Variants in CHL1 observed in about 807,000 individuals in gnomAD.
CHL1 encodes the protein cell adhesion molecule L1 like.
Under a neutral mutation model 141.9 loss-of-function variants are expected in CHL1, and 96 were observed. The ratio of observed to expected loss-of-function variants is 0.68; its 90% CI spans 0.57 to 0.80. The LOEUF (loss-of-function observed/expected upper bound fraction) is 0.80. Ranked by LOEUF, CHL1 falls within the 30% of genes least tolerant of loss-of-function variation. CHL1 has a pLI of 0.00. For missense variants in CHL1, 1,820 were observed against 1,457.2 expected, an observed-to-expected ratio of 1.25 and a Z score of -4.05; for synonymous variants, 613 against 502.2, an observed-to-expected ratio of 1.22 and a Z score of -2.95.
At chr3:391,280 C>A in intron 22 of CHL1, 121 bp downstream of exon 22, 1 of 762,938 alleles carries the variant, frequency 1.3e-6, no homozygotes, top group Non-Finnish European at 2.2e-6. Context: ...CTTTGGGAGG[C>A]CAAGGCAGAT....
intron 3 of CHL1, among the ~76,000 whole-genome samples, chr3:323,122 T>C (rs1700728378): frequency 1.3e-5 from 2 of 152,002 alleles, no homozygotes; most frequent in Non-Finnish European, 2.9e-5. Context: ...TTTAAAGTTA[T>C]GACTGACAAA....
intron 24 of CHL1, among the ~76,000 whole-genome samples, chr3:398,000 C>A (rs2106412362): frequency 6.6e-6 from 1 of 152,080 alleles, no homozygotes; most frequent in Middle Eastern, 3.4e-3. Flanking sequence ...TTTACAGTAC[C>A]ATTTCATCTT....
intron 5 of CHL1, among the ~76,000 whole-genome samples, chr3:338,280 A>G (rs1702090252): frequency 6.6e-6 from 1 of 152,214 alleles, no homozygotes; most frequent in African/African-American, 2.4e-5. Flanking sequence ...CCCATGTGAA[A>G]TATATTGGCA....
chr3:391,011 G>A lies in CHL1; in HGVS notation c.2643G>A (p.Val881=), dbSNP rs1474934810. 1.2e-6 allele frequency: 2 copies of A among 1,614,002 alleles called. No homozygotes were observed. The highest frequency in any genetic ancestry group is 2.7e-5 in the African/African-American group (2 of 74,926). ...LLDGRTHPKE[V]NILRFSGQRN... is the part of the protein sequence containing the mutation. ...ATGGAAGAACACATCCCAAAGAAGTGAACATTCTAAGATTTTCAGGACAAA... is the reference window on the plus strand; with the variant it reads ...ATGGAAGAACACATCCCAAAGAAGTAAACATTCTAAGATTTTCAGGACAAA... Residue 881 remains valine, a synonymous_variant, in exon 22 of 28, where the codon GTG becomes GTA. Transcript: ENST00000256509.
In CHL1 at chr3:306,774, C is replaced by A. The variant is rs138149031; in HGVS notation, c.-94-12909C>A. The stretch of plus-strand genomic sequence containing the variant: ...AAGGTGAGATATCCCAAACCATGAA[C>A]TATTTATCTTAATCATGCAGCCTTT... On this transcript the variant is annotated intron_variant, in intron 2 of 27. Transcript: ENST00000256509. 5.9e-5 allele frequency among the ~76,000 whole-genome samples: 9 copies of A among 152,242 alleles called. No individual in the cohort carries two copies. The East Asian group carries it at 1.7e-3, about 29-fold the overall frequency.
At chr3:393,397 A>T (rs1161552681) in intron 23 of CHL1, among the ~76,000 whole-genome samples, 1 of 152,068 alleles carries the variant, frequency 6.6e-6, no homozygotes, top group Admixed American at 6.6e-5. Context: ...GTAAAGATAT[A>T]ACTTCTCCTT....
chr3:352,128 T>C (rs1042319024), intron 10 of CHL1, among the ~76,000 whole-genome samples: 1 of 152,164 alleles, frequency 6.6e-6, no homozygotes, highest in African/African-American at 2.4e-5. Flanking sequence ...AAAATGTTTT[T>C]GCATTTTCAA....
In CHL1 at chr3:283,944, A is replaced by G. The variant is rs192580900; in HGVS notation, c.-94-35739A>G. Among the ~76,000 whole-genome samples the G allele has an allele frequency of 2.6e-5, 4 of 152,356 alleles. No homozygotes were observed. In the East Asian group the frequency reaches 7.7e-4, roughly 29 times the overall value. On this transcript the variant is annotated intron_variant, in intron 2 of 27. Transcript: ENST00000256509. ...AATGACTAATAGTAGGGAATTTATCAGATGAATGAATGCATTTACATATGT... is the reference window on the plus strand; with the variant it reads ...AATGACTAATAGTAGGGAATTTATCGGATGAATGAATGCATTTACATATGT...
intron 15 of CHL1, among the ~76,000 whole-genome samples, chr3:367,504 G>T (rs1207648446): frequency 2.6e-5 from 4 of 151,958 alleles, no homozygotes; most frequent in East Asian, 1.9e-4. Context: ...GTATTAAAAA[G>T]GTACTTTCAT....
chr3:239,034 G>A (rs1284426012), intron 1 of CHL1, among the ~76,000 whole-genome samples: 1 of 152,074 alleles, frequency 6.6e-6, no homozygotes, highest in Admixed American at 6.6e-5. Flanking sequence ...AGCTGTCAAG[G>A]TTCATATGCT....
At chr3:244,307 T>C (rs1490337671) in intron 1 of CHL1, among the ~76,000 whole-genome samples, 1 of 152,214 alleles carries the variant, frequency 6.6e-6, no homozygotes, top group Admixed American at 6.5e-5. Flanking sequence ...TTGTGGTCTG[T>C]TGCAAAATAC....
chr3:272,427 G>A (rs546301038), intron 2 of CHL1, among the ~76,000 whole-genome samples: 30 of 152,232 alleles, frequency 2.0e-4, no homozygotes, highest in African/African-American at 7.2e-4. Flanking sequence ...TCTACTTTCA[G>A]AAATATTTCA....
rs752194700 is a variant in CHL1 at position 349,536 on chromosome 3, A to G, written c.1026A>G (p.Ile342Met). Residue 342 changes from isoleucine (I) to methionine (M), a missense_variant, in exon 10 of 28, where the codon ATA becomes ATG. Transcript: ENST00000256509. ...LGTATHDFHVIVEEPPRWTKK... is the reference protein window; with the variant it reads ...LGTATHDFHVMVEEPPRWTKK... ...CAGCCACTCACGATTTTCACGTTAT[A>G]GTAGAAGGTACCTTTCCCATGTTGG... is the stretch of plus-strand genomic sequence containing the variant. 2 of 1,612,654 alleles carry G rather than the reference A, an allele frequency of 1.2e-6. No individual in the cohort carries two copies. The highest frequency in any genetic ancestry group is 2.2e-5 in the East Asian group (1 of 44,874).
At chr3:274,040 T>C (rs1408833185) in intron 2 of CHL1, among the ~76,000 whole-genome samples, 2 of 152,188 alleles carry the variant, frequency 1.3e-5, no homozygotes, top group East Asian at 3.9e-4. Flanking sequence ...ACCAAATCCC[T>C]TCTCACTTCA....
At chr3:334,580 G>T (rs1701711630) in intron 5 of CHL1, among the ~76,000 whole-genome samples, 1 of 152,056 alleles carries the variant, frequency 6.6e-6, no homozygotes, top group Non-Finnish European at 1.5e-5. Context: ...TGTTTTGGAG[G>T]TTCATCCATG....
At chr3:224,992 C>T (rs1255511894) in intron 1 of CHL1, among the ~76,000 whole-genome samples, 8 of 152,048 alleles carry the variant, frequency 5.3e-5, no homozygotes, top group Admixed American at 5.2e-4. Context: ...AAAAATTAGC[C>T]AGGTGTGGTG....
At chr3:330,554 T>G (rs1559264494) in intron 5 of CHL1, among the ~76,000 whole-genome samples, 1 of 152,130 alleles carries the variant, frequency 6.6e-6, no homozygotes, top group Non-Finnish European at 1.5e-5. Context: ...AGTATCCATA[T>G]TTATTAAAAA....
chr3:379,308 T>C (rs79696046), intron 16 of CHL1, among the ~76,000 whole-genome samples: 3,972 of 152,266 alleles, frequency 0.026, 170 homozygotes, highest in African/African-American at 0.09. Context: ...CAGTTTCCAC[T>C]TACAGAAGGT....
chr3:291,437 CTTCTT>C (rs1319838308), intron 2 of CHL1, among the ~76,000 whole-genome samples: 27 of 150,150 alleles, frequency 1.8e-4, no homozygotes, highest in African/African-American at 5.4e-4. Context: ...TTTCTTTTCT[CTTCTT>C]TTCTTTTCTT....
Sources: gnomAD v4.1 joint callset for allele counts (sites outside exome capture counted in the v4.1 genomes callset) on GRCh38, gnomAD v4.1.1 for gene constraint, MANE v1.5 for transcripts, NCBI Gene and HGNC (gene_info 2026-07-23, HGNC 2026-07-21) for gene names.